MAML3: variants seen among roughly 807,000 people sequenced by gnomAD.
MAML3 encodes the protein mastermind-like protein 3.
Under a neutral mutation model 101.9 loss-of-function variants are expected in MAML3, and 27 were observed. That is an observed-to-expected ratio of 0.27 (90% CI 0.20 to 0.37). The LOEUF (loss-of-function observed/expected upper bound fraction) is 0.37. Ranked by LOEUF, MAML3 falls within the 10% of genes least tolerant of loss-of-function variation. The pLI is 1.00. For synonymous variants in MAML3, 501 were observed against 555.9 expected (o/e 0.90, Z 1.39); for missense variants, 1,316 against 1,444.9 (o/e 0.91, Z 1.45).
intron 2 of MAML3, among the ~76,000 whole-genome samples, chr4:139,821,544 G>C (rs1029656627): frequency 1.1e-4 from 17 of 152,196 alleles, no homozygotes; most frequent in Admixed American, 1.1e-3. Context: ...TGCCAAAAAG[G>C]TTGGGGACCA....
Position 139,945,012 on chromosome 4 carries a change from C to T in MAML3, c.469-54045G>A, listed in dbSNP as rs376111480. Among the ~76,000 whole-genome samples the T allele has an allele frequency of 1.2e-3, 177 of 152,048 alleles. 1 individual carries two copies. Among genetic ancestry groups the T allele is most frequent in the African/African-American group, 3.4e-3 (143 of 41,472 alleles). ...GACACATGCACACGTATGTTTATTG[C>T]GGCATTATTCACAATAGCAAAGAGT... On this transcript the variant is annotated intron_variant, in intron 1 of 4. Transcript: ENST00000509479.
intron 1 of MAML3, among the ~76,000 whole-genome samples, chr4:139,941,103 G>A (rs1209710880): frequency 1.3e-5 from 2 of 152,164 alleles, no homozygotes; most frequent in Non-Finnish European, 2.9e-5. Context: ...TGATGAGTTA[G>A]TACTGTTAGT....
intron 1 of MAML3, among the ~76,000 whole-genome samples, chr4:140,074,123 T>C (rs1727713700): frequency 7.6e-6 from 1 of 131,030 alleles, no homozygotes; most frequent in Non-Finnish European, 1.6e-5. Context: ...AGAGTGAGAC[T>C]TCGAAAAAGA....
chr4:139,870,281 A>T (rs1024413535), intron 2 of MAML3, among the ~76,000 whole-genome samples: 1 of 152,070 alleles, frequency 6.6e-6, no homozygotes, highest in African/African-American at 2.4e-5. Flanking sequence ...AGCAGCGTCA[A>T]TTCCCCGTTC....
chr4:139,998,684 T>C (rs1039184975), intron 1 of MAML3, among the ~76,000 whole-genome samples: 3 of 152,226 alleles, frequency 2.0e-5, no homozygotes, highest in African/African-American at 7.2e-5. Flanking sequence ...TTAAAGATGA[T>C]ACAATGCAGC....
intron 2 of MAML3, among the ~76,000 whole-genome samples, chr4:139,743,983 C>G (rs1729239567): frequency 6.6e-6 from 1 of 152,240 alleles, no homozygotes; most frequent in East Asian, 1.9e-4. Context: ...CTGCCATGGT[C>G]ATTGTCACTA....
chr4:139,909,547 C>T (rs1416184964), intron 1 of MAML3, among the ~76,000 whole-genome samples: 1 of 152,048 alleles, frequency 6.6e-6, no homozygotes, highest in African/African-American at 2.4e-5. Flanking sequence ...CCCACAAACC[C>T]AAAGATAAGG....
chr4:140,044,294 T>G (rs996945225), intron 1 of MAML3, among the ~76,000 whole-genome samples: 19 of 152,192 alleles, frequency 1.2e-4, no homozygotes, highest in African/African-American at 4.6e-4. Flanking sequence ...TGGAAAGGAA[T>G]TGTCATCAAA....
intron 2 of MAML3, among the ~76,000 whole-genome samples, chr4:139,808,544 A>G (rs1730739144): frequency 6.6e-6 from 1 of 152,156 alleles, no homozygotes; most frequent in Non-Finnish European, 1.5e-5. Flanking sequence ...GATTTTTATG[A>G]CCACATCTCA....
chr4:139,983,954 C>G (rs1363139038), intron 1 of MAML3, among the ~76,000 whole-genome samples: 1 of 152,076 alleles, frequency 6.6e-6, no homozygotes, highest in Non-Finnish European at 1.5e-5. Flanking sequence ...GCAGACTTTG[C>G]CAGTCAAGTT....
At chr4:139,918,036 G>A (rs143307554) in intron 1 of MAML3, among the ~76,000 whole-genome samples, 40 of 151,852 alleles carry the variant, frequency 2.6e-4, no homozygotes, top group African/African-American at 5.3e-4. Flanking sequence ...ACCTATGTTC[G>A]GACGCTGTGT....
At chr4:140,096,612 G>A (rs1370155124) in intron 1 of MAML3, among the ~76,000 whole-genome samples, 1 of 152,102 alleles carries the variant, frequency 6.6e-6, no homozygotes, top group Non-Finnish European at 1.5e-5. Context: ...GAAGAGGCGA[G>A]GTGGCAAGAG....
At chr4:140,056,654 C>T (rs533048212) in intron 1 of MAML3, among the ~76,000 whole-genome samples, 1 of 151,416 alleles carries the variant, frequency 6.6e-6, no homozygotes, top group Non-Finnish European at 1.5e-5. Context: ...TAAAAAATAC[C>T]AAAAAATTAG....
chr4:139,900,289 C>T (rs1345265555), intron 1 of MAML3, among the ~76,000 whole-genome samples: 2 of 152,200 alleles, frequency 1.3e-5, no homozygotes, highest in East Asian at 1.9e-4. Flanking sequence ...TTTAATGACT[C>T]TTTAAAAATA....
intron 2 of MAML3, among the ~76,000 whole-genome samples, chr4:139,736,101 G>GAC (rs1205919484): frequency 3.9e-4 from 60 of 151,982 alleles, no homozygotes; most frequent in African/African-American, 1.3e-3. Context: ...GTGCTTTTCA[G>GAC]ACACACACAC....
chr4:140,046,444 T>G (rs1464524794), intron 1 of MAML3, among the ~76,000 whole-genome samples: 4 of 152,238 alleles, frequency 2.6e-5, no homozygotes, highest in African/African-American at 7.2e-5. Context: ...TAGGCTCTCC[T>G]GACTGATAAA....
chr4:139,761,625 A>T (rs1449057188), intron 2 of MAML3, among the ~76,000 whole-genome samples: 1 of 152,224 alleles, frequency 6.6e-6, no homozygotes, highest in Non-Finnish European at 1.5e-5. Context: ...GGCCCTCTAC[A>T]GGTCAGGAAG....
At chr4:140,092,504 G>A (rs1728077239) in intron 1 of MAML3, among the ~76,000 whole-genome samples, 1 of 151,546 alleles carries the variant, frequency 6.6e-6, no homozygotes, top group Non-Finnish European at 1.5e-5. Flanking sequence ...AGAACAAACG[G>A]CGCGGCCGCT....
intron 1 of MAML3, among the ~76,000 whole-genome samples, chr4:140,041,822 A>C (rs1311676132): frequency 6.6e-6 from 1 of 152,208 alleles, no homozygotes; most frequent in Non-Finnish European, 1.5e-5. Flanking sequence ...AGAAAAAAAC[A>C]CACCTCTGGA....
Sources: allele counts gnomAD v4.1 joint callset (sites outside exome capture counted in the v4.1 genomes callset), GRCh38; gene constraint gnomAD v4.1.1; transcripts MANE v1.5; gene names NCBI Gene and HGNC (gene_info 2026-07-23, HGNC 2026-07-21).